NTN1: variants seen among roughly 807,000 people sequenced by gnomAD.
The protein encoded by NTN1 is netrin-1.
Under a neutral mutation model 54.2 loss-of-function variants are expected in NTN1, and 11 were observed. The ratio of observed to expected loss-of-function variants is 0.20; its 90% CI spans 0.13 to 0.34. The LOEUF is 0.34. Among genes scored for constraint, NTN1 ranks in the 10% least tolerant of loss-of-function variants. The pLI, the probability that NTN1 is intolerant of heterozygous loss-of-function variation, is 1.00. For missense variants in NTN1, 740 were observed against 893.1 expected (o/e 0.83, Z 2.18); for synonymous variants, 371 against 382.0 (o/e 0.97, Z 0.33).
intron 2 of NTN1, among the ~76,000 whole-genome samples, chr17:9,069,481 G>A (rs530723440): frequency 9.9e-5 from 15 of 152,270 alleles, no homozygotes; most frequent in East Asian, 5.8e-4. Context: ...AAACTATTTT[G>A]GTTTGACTAT....
rs751977350 is a variant in NTN1, at chr17:9,023,158, A to C, written c.785A>C (p.Glu262Ala). 1.9e-5 allele frequency: 29 copies of C among 1,564,392 alleles called. No homozygotes were observed. In the East Asian group the frequency reaches 6.9e-4, roughly 37 times the overall value. ...SRLHTFGDEN[E>A]DDSELARDSY... ...CTGCACACGTTCGGCGACGAGAACG[A>C]GGACGACTCGGAGCTGGCGCGCGAC... Residue 262 changes from glutamate to alanine, a missense_variant, in exon 2 of 7, where the codon GAG becomes GCG. By Grantham distance (107) the Glu-to-Ala change is moderately radical. Coordinates refer to ENST00000173229, the MANE Select transcript of NTN1 (RefSeq NM_004822.3).
At chr17:9,058,637 C>CAAAAAAAAA (rs3053457) in intron 2 of NTN1, among the ~76,000 whole-genome samples, 95 of 58,896 alleles carry the variant, frequency 1.6e-3, no homozygotes, top group East Asian at 4.2e-3. Context: ...GGTAGGCACT[C>CAAAAAAAAA]AAAAAAAAAA....
intron 2 of NTN1, among the ~76,000 whole-genome samples, chr17:9,141,683 A>G (rs1050595000): frequency 6.6e-6 from 1 of 151,952 alleles, no homozygotes; most frequent in Non-Finnish European, 1.5e-5. Context: ...ATGAAAGGGG[A>G]CAAGAGGAAG....
intron 2 of NTN1, among the ~76,000 whole-genome samples, chr17:9,113,891 G>A (rs573689052): frequency 1.1e-4 from 16 of 151,830 alleles, no homozygotes; most frequent in Non-Finnish European, 2.4e-4. Context: ...GGCCAGGCGC[G>A]GTGGCTCACG....
chr17:9,104,363 T>C (rs1225757889), intron 2 of NTN1, among the ~76,000 whole-genome samples: 1 of 152,232 alleles, frequency 6.6e-6, no homozygotes, highest in Non-Finnish European at 1.5e-5. Flanking sequence ...GTAAATTTCT[T>C]GTGCATTTTA....
chr17:9,137,741 C>A (rs569814112), intron 2 of NTN1, among the ~76,000 whole-genome samples: 2 of 152,038 alleles, frequency 1.3e-5, no homozygotes, highest in Non-Finnish European at 2.9e-5. Context: ...TTTCAGTGAG[C>A]CGAGATCGCG....
At position 9,243,384 on chromosome 17, in the gene NTN1, C is replaced by T. The variant is rs1325595752; in HGVS notation, c.*3416C>T. The T allele has an allele frequency of 6.6e-6, 1 of 152,044 alleles. No homozygotes were observed. The highest frequency in any genetic ancestry group is 1.5e-5 in the Non-Finnish European group (1 of 68,042). 9.4% of individuals were successfully genotyped at this position (152,044 alleles called of 1,614,324 possible). A position where few individuals can be genotyped will look rare whatever the true frequency, so the allele number is the denominator to read the frequency against. ...ACGGACTTACTTTCTTGGAGTTGTC[C>T]CAGGTTGGAATGAGACTGAACTCAA... On this transcript the variant is annotated 3_prime_UTR_variant, in exon 7 of 7. Coordinates refer to ENST00000173229, the MANE Select transcript of NTN1 (RefSeq NM_004822.3).
chr17:9,173,306 T>G (rs1235401806), intron 3 of NTN1: 2 of 152,294 alleles, frequency 1.3e-5, no homozygotes, highest in East Asian at 3.8e-4. Context: ...GGGGAAGAAA[T>G]GGGTGCTTGG....
intron 2 of NTN1, among the ~76,000 whole-genome samples, chr17:9,107,702 T>G (rs1408486549): frequency 5.3e-5 from 8 of 152,360 alleles, no homozygotes; most frequent in Admixed American, 2.6e-4. Context: ...CACCTACTTT[T>G]GTAAATAAAG....
At chr17:9,070,600 A>G (rs1354357518) in intron 2 of NTN1, among the ~76,000 whole-genome samples, 1 of 151,516 alleles carries the variant, frequency 6.6e-6, no homozygotes, top group Non-Finnish European at 1.5e-5. Flanking sequence ...TCACATTTTT[A>G]TTTTTTTTGA....
At chr17:9,105,291 C>A (rs894047942) in intron 2 of NTN1, among the ~76,000 whole-genome samples, 8 of 152,306 alleles carry the variant, frequency 5.3e-5, no homozygotes, top group African/African-American at 1.9e-4. Flanking sequence ...AGCTTTTCTT[C>A]CCTTTGCATT....
chr17:9,029,294 G>A (rs886822408), intron 2 of NTN1, among the ~76,000 whole-genome samples: 1 of 152,132 alleles, frequency 6.6e-6, no homozygotes, highest in African/African-American at 2.4e-5. Context: ...CACAAGGAAC[G>A]GAAGCTTTTC....
chr17:9,202,051 CACACAAAAAAAAAAAAAA>C (rs1904806017), intron 5 of NTN1, among the ~76,000 whole-genome samples: 1 of 25,124 alleles, frequency 4.0e-5, no homozygotes, highest in South Asian at 1.4e-3. Context: ...CACACACACA[CACACAAAAAAAAAAAAAA>C]AAAAAAAAAA....
Position 9,022,715 on chromosome 17 carries a change from G to A in NTN1, c.342G>A (p.Pro114=). 1 of 1,602,440 alleles carries A rather than the reference G, an allele frequency of 6.2e-7. No individual in the cohort carries two copies. The highest frequency in any genetic ancestry group is 2.3e-5 in the East Asian group (1 of 43,794). Residue 114 remains proline, a synonymous_variant, in exon 2 of 7, where the codon CCG becomes CCA. Coordinates refer to ENST00000173229, the MANE Select transcript of NTN1 (RefSeq NM_004822.3). ...CCTTCCTCACCGACCTCAACAACCC[G>A]CACAACCTGACGTGCTGGCAGTCCG... ...PPAFLTDLNN[P]HNLTCWQSEN...
chr17:9,192,842 A>T lies in NTN1; in HGVS notation c.1411+9873A>T, dbSNP rs937448422. The stretch of plus-strand genomic sequence containing the variant: ...ACGCCTGTAATCCCAGCGCTTTGGG[A>T]GGCCGAGGCAGGCAGATCACCTGAG... On this transcript the variant is annotated intron_variant, in intron 5 of 6. Coordinates refer to ENST00000173229, the MANE Select transcript of NTN1 (RefSeq NM_004822.3). Among the ~76,000 whole-genome samples the T allele has an allele frequency of 2.0e-5, 3 of 152,150 alleles. No homozygotes were observed. In the East Asian group the frequency reaches 5.8e-4, roughly 29 times the overall value.
chr17:9,150,514 C>T (rs2092324328), intron 2 of NTN1, among the ~76,000 whole-genome samples: 1 of 152,202 alleles, frequency 6.6e-6, no homozygotes, highest in South Asian at 2.1e-4. Context: ...AGGCTCCGGA[C>T]TGGAACGTGG....
intron 2 of NTN1, among the ~76,000 whole-genome samples, chr17:9,113,832 G>A (rs547671948): frequency 5.9e-5 from 9 of 152,122 alleles, no homozygotes; most frequent in Non-Finnish European, 1.2e-4. Context: ...GATGGGAGAT[G>A]AGCTAAATAA....
intron 6 of NTN1, among the ~76,000 whole-genome samples, chr17:9,223,556 C>CAAAAAA (rs369166076): frequency 4.7e-5 from 7 of 149,102 alleles, no homozygotes; most frequent in Non-Finnish European, 9.0e-5. Flanking sequence ...GACTCTGTCT[C>CAAAAAA]AAAAAAAAGA....
upstream of NTN1, among the ~76,000 whole-genome samples, chr17:9,017,919 G>GGAA (rs1477956430): frequency 1.3e-5 from 2 of 152,136 alleles, no homozygotes; most frequent in East Asian, 3.8e-4. Context: ...ATGTCCTATG[G>GGAA]GAAATCATTA....
Sources: allele counts gnomAD v4.1 joint callset (sites outside exome capture counted in the v4.1 genomes callset), GRCh38; gene constraint gnomAD v4.1.1; transcripts MANE v1.5; gene names NCBI Gene and HGNC (gene_info 2026-07-23, HGNC 2026-07-21).